The following GEMIN8 variants were observed in gnomAD, a reference collection of about 807,000 sequenced individuals.
The protein encoded by GEMIN8 is gem nuclear organelle associated protein 8, also known as gem-associated protein 8.
For synonymous variants in GEMIN8, 80 were observed against 78.5 expected (o/e 1.02, Z -0.10); for missense variants, 185 against 205.9 (o/e 0.90, Z 0.62).
chrX:13,995,083 C>T, the GEMIN8 span, among the ~76,000 whole-genome samples: 2 of 111,613 alleles, frequency 1.8e-5, no homozygotes, highest in African/African-American at 3.3e-5. Flanking sequence ...CTGGTTCTGT[C>T]ACCTGCAATT....
chrX:13,992,620 G>C, the GEMIN8 span, among the ~76,000 whole-genome samples: 1 of 111,233 alleles, frequency 9.0e-6, no homozygotes, highest in Non-Finnish European at 1.9e-5. Flanking sequence ...GATGTTACTG[G>C]TCTAGGGGCC....
At chrX:14,024,974 T>C (rs1924599878) in intron 2 of GEMIN8, among the ~76,000 whole-genome samples, 1 of 111,854 alleles carries the variant, frequency 8.9e-6, no homozygotes, top group African/African-American at 3.3e-5. Flanking sequence ...ATGTAGACTG[T>C]GCTCATCTCA....
downstream of GEMIN8, among the ~76,000 whole-genome samples, chrX:14,004,789 C>T (rs984860627): frequency 9.0e-6 from 1 of 111,657 alleles, no homozygotes; most frequent in African/African-American, 3.3e-5. Context: ...TCTCGAACTC[C>T]TGGCCTCAAG....
In GEMIN8 at chrX:14,007,980, CTGT is replaced by C. The variant is rs1923262067; in HGVS notation, c.*930_*932del. Among the ~76,000 whole-genome samples, 1 of 111,216 alleles carries C rather than the reference CTGT, an allele frequency of 9.0e-6. No individual in the cohort carries two copies. The highest frequency in any genetic ancestry group is 3.3e-5 in the African/African-American group (1 of 30,516). ...CTGTAGACCAAATCTGGCCTGCAGT[CTGT>C]TTTTGTTTTTGTTTTGAGACGGAGT... On this transcript the variant is annotated 3_prime_UTR_variant, in exon 5 of 5. Transcript: ENST00000680255.
At chrX:13,984,447 T>C in the GEMIN8 span, among the ~76,000 whole-genome samples, 1 of 112,440 alleles carries the variant, frequency 8.9e-6, no homozygotes. Context: ...ACCACCTGAT[T>C]TTGTAAATAC....
the GEMIN8 span, among the ~76,000 whole-genome samples, chrX:13,997,117 T>C: frequency 9.1e-6 from 1 of 109,814 alleles, no homozygotes; most frequent in Non-Finnish European, 1.9e-5. Flanking sequence ...AATTTTTGCA[T>C]TTTTAGTAGA....
intron 4 of GEMIN8, among the ~76,000 whole-genome samples, chrX:14,009,829 G>GA (rs771358638): frequency 1.7e-3 from 193 of 111,739 alleles, no homozygotes; most frequent in African/African-American, 6.1e-3. Context: ...GATGTGGGGG[G>GA]AAAAAATCAC....
chrX:14,016,678 C>T (rs1348360937), intron 4 of GEMIN8, among the ~76,000 whole-genome samples: 1 of 105,316 alleles, frequency 9.5e-6, no homozygotes, highest in African/African-American at 3.5e-5. Flanking sequence ...AACACCATCT[C>T]TACTACTAAT....
At chrX:14,003,129 A>G (rs892557272), downstream of GEMIN8, among the ~76,000 whole-genome samples, 1 of 112,231 alleles carries the variant, frequency 8.9e-6, no homozygotes, top group African/African-American at 3.2e-5. Context: ...CAGTTAAAGA[A>G]TGCAAATGCA....
intron 4 of GEMIN8, chrX:14,014,388 C>T: frequency 2.7e-6 from 2 of 753,364 alleles, no homozygotes; most frequent in Non-Finnish European, 3.1e-6. Flanking sequence ...TCGCACATCC[C>T]TTGCCCCATG....
At chrX:14,004,212 C>T (rs1337773335), downstream of GEMIN8, among the ~76,000 whole-genome samples, 3 of 112,186 alleles carry the variant, frequency 2.7e-5, no homozygotes, top group African/African-American at 9.7e-5. Context: ...TTTTTCACCT[C>T]GACACTAGCA....
Position 14,008,744 on chromosome X carries a change from C to T in GEMIN8, c.*169G>A. On this transcript the variant is annotated 3_prime_UTR_variant, in exon 5 of 5. Transcript: ENST00000680255. The stretch of plus-strand genomic sequence containing the variant: ...CAACAGAACATGTCCTGCAGACCTC[C>T]AAGTGGCTGGCATAGTACATCCACC... The T allele has an allele frequency of 2.0e-6, 1 of 494,880 alleles. No homozygotes were observed. The allele number at this position is 494,880 out of a possible 1,213,427, so 40.8% of individuals were successfully genotyped here. A position where few individuals can be genotyped will look rare whatever the true frequency, so the allele number is the denominator to read the frequency against.
the GEMIN8 span, among the ~76,000 whole-genome samples, chrX:13,998,077 CTTT>C: frequency 5.5e-5 from 5 of 91,694 alleles, no homozygotes; most frequent in Non-Finnish European, 6.6e-5. Context: ...ACCATTTTTG[CTTT>C]TTTTTTTTTT....
intron 4 of GEMIN8, chrX:14,013,982 A>T (rs1285224689): frequency 1.9e-5 from 13 of 698,740 alleles, no homozygotes; most frequent in Non-Finnish European, 2.2e-5. Flanking sequence ...CTATTTGTCT[A>T]CATGATGTGA....
intron 4 of GEMIN8, among the ~76,000 whole-genome samples, chrX:14,013,512 T>C (rs1000088241): frequency 3.6e-5 from 4 of 112,238 alleles, no homozygotes; most frequent in Admixed American, 1.9e-4. Context: ...TATTTGGAAA[T>C]AGGGCTTTGT....
the GEMIN8 span, among the ~76,000 whole-genome samples, chrX:13,997,415 C>T: frequency 9.0e-6 from 1 of 111,625 alleles, no homozygotes; most frequent in East Asian, 2.8e-4. Flanking sequence ...ACTAACCAGC[C>T]CCTGGCTGAC....
chrX:13,994,835 A>C, the GEMIN8 span, among the ~76,000 whole-genome samples: 1 of 112,513 alleles, frequency 8.9e-6, no homozygotes, highest in Non-Finnish European at 1.9e-5. Context: ...AATACTACAA[A>C]CCACACGATT....
In GEMIN8 at chrX:14,020,262, A is replaced by C. The variant is rs1924214422; in HGVS notation, c.288T>G (p.Ser96=). The stretch of plus-strand genomic sequence containing the variant: ...TACTGCTGTAACGTGGATGCTGCCC[A>C]GATCTTCTGAAATGTGAAGAACTGC... ...YPCSSSHFRR[S]GQHPRYSSRI... The change falls in exon 4 of 5, where the codon TCT becomes TCG. Residue 96 remains serine (S), a synonymous_variant. Coordinates refer to ENST00000680255, the MANE Select transcript of GEMIN8 (RefSeq NM_001042479.2). 1 of 1,209,758 alleles carries C rather than the reference A, an allele frequency of 8.3e-7. No homozygotes were observed. The highest frequency in any genetic ancestry group is 2.2e-5 in the Admixed American group (1 of 45,782).
intron 4 of GEMIN8, among the ~76,000 whole-genome samples, chrX:14,017,250 C>CT (rs1478870891): frequency 4.5e-5 from 5 of 111,207 alleles, no homozygotes. Flanking sequence ...TCAAGCAGTT[C>CT]TGCCACAGCT....
Sources: gnomAD v4.1 joint callset for allele counts (sites outside exome capture counted in the v4.1 genomes callset) on GRCh38, gnomAD v4.1.1 for gene constraint, MANE v1.5 for transcripts, NCBI Gene and HGNC (gene_info 2026-07-23, HGNC 2026-07-21) for gene names.